Variants in CSTF2 observed in about 807,000 individuals in gnomAD.
CSTF2 encodes CF-1 64 kDa subunit.
CSTF2 carries 8 observed loss-of-function variants against 45.4 expected under a neutral mutation model. The observed-to-expected ratio is 0.18, with a 90% CI of 0.10 to 0.32. CSTF2 has a LOEUF of 0.32. Ranked by LOEUF, CSTF2 falls within the 10% of genes least tolerant of loss-of-function variation. The probability of loss-of-function intolerance (pLI) is 1.00; values close to 1 mark genes in which losing one functional copy is unlikely to be tolerated. For synonymous variants in CSTF2, 155 were observed against 158.9 expected (o/e 0.98, Z 0.18); for missense variants, 253 against 477.1 (o/e 0.53, Z 4.38).
intron 11 of CSTF2, among the ~76,000 whole-genome samples, chrX:100,834,466 CT>C (rs1176882180): frequency 1.8e-5 from 2 of 112,211 alleles, no homozygotes; most frequent in Non-Finnish European, 3.8e-5. Context: ...CTACTCTGTC[CT>C]GTTATCTGCA....
Position 100,821,585 on chromosome X carries a change from T to C in CSTF2, c.117T>C (p.Val39=). ...EEQLKDIFSE[V]GPVVSFRLVY... ...AGTTGAAGGACATCTTTTCTGAGGT[T>C]GGACCTGTTGTTAGTTTCAGGTGAG... The change falls in exon 2 of 14, where the codon GTT becomes GTC. Residue 39 remains valine (V), a synonymous_variant. Coordinates refer to ENST00000372972, the MANE Select transcript of CSTF2 (RefSeq NM_001325.3). 1.7e-6 allele frequency: 2 copies of C among 1,203,906 alleles called. No homozygotes were observed. Among genetic ancestry groups the C allele is most frequent in the Non-Finnish European group, 2.3e-6 (2 of 888,567 alleles).
intron 8 of CSTF2, 77 bp from the exon 9 acceptor site, chrX:100,831,438 T>G: frequency 1.8e-6 from 2 of 1,108,785 alleles, no homozygotes; most frequent in East Asian, 6.0e-5. Flanking sequence ...AATTATGTTG[T>G]CAGTGGTATA....
chrX:100,833,700 C>A (rs2147893096), intron 11 of CSTF2, among the ~76,000 whole-genome samples: 1 of 111,630 alleles, frequency 9.0e-6, no homozygotes, highest in South Asian at 3.8e-4. Flanking sequence ...AATAGCTATT[C>A]ATTTGGAGCA....
rs771996744 is a variant in CSTF2, at chrX:100,821,994, G to A, written c.138-257G>A. On this transcript the variant is annotated intron_variant, in intron 2 of 13. Coordinates refer to ENST00000372972, the MANE Select transcript of CSTF2 (RefSeq NM_001325.3). ...TGTAGTCCCAGCTACTCAGGAGGCT[G>A]AGACAGGAGAATTGCTTGAACCCGG... 1.3e-4 allele frequency among the ~76,000 whole-genome samples: 14 copies of A among 109,937 alleles called. No homozygotes were observed. The South Asian group carries it at 2.0e-3, about 16-fold the overall frequency.
Position 100,826,623 on chromosome X carries a change from T to G in CSTF2, c.703-11T>G. 3.3e-6 allele frequency: 4 copies of G among 1,209,648 alleles called. No individual in the cohort carries two copies. In the East Asian group the frequency reaches 8.9e-5, roughly 27 times the overall value. On this transcript the variant is annotated splice_polypyrimidine_tract_variant and intron_variant, in intron 6 of 13. Coordinates refer to ENST00000372972, the MANE Select transcript of CSTF2 (RefSeq NM_001325.3). ...AGGCATATACATACTCTGTTTTTTT[T>G]GCTTGGTCAGGGTGGAATGCATGTC...
chrX:100,822,637 A>T, intron 3 of CSTF2: 1 of 409,945 alleles, frequency 2.4e-6, no homozygotes, highest in Non-Finnish European at 4.3e-6. Context: ...TGAAATTTCT[A>T]TACCCTTGCT....
At chrX:100,840,343 T>C (rs1333502874) in intron 13 of CSTF2, among the ~76,000 whole-genome samples, 1 of 111,975 alleles carries the variant, frequency 8.9e-6, no homozygotes, top group Non-Finnish European at 1.9e-5. Flanking sequence ...CTAGGTGACA[T>C]TGTCTTGAGA....
intron 1 of CSTF2, among the ~76,000 whole-genome samples, chrX:100,820,848 C>T (rs1317828607): frequency 5.4e-5 from 6 of 112,121 alleles, no homozygotes; most frequent in Non-Finnish European, 1.1e-4. Context: ...TGTCCACTTA[C>T]TGTCCTCTCC....
intron 11 of CSTF2, 34 bp from the exon 12 acceptor site, chrX:100,837,305 G>GC: frequency 9.2e-7 from 1 of 1,089,436 alleles, no homozygotes; most frequent in South Asian, 2.0e-5. Context: ...CATTAAAAAT[G>GC]CCAAAAATCT....
At chrX:100,834,670 A>G (rs191934402) in intron 11 of CSTF2, among the ~76,000 whole-genome samples, 35 of 112,470 alleles carry the variant, frequency 3.1e-4, no homozygotes, top group African/African-American at 1.1e-3. Flanking sequence ...TTATGCATTC[A>G]TTCTGTCACT....
intron 8 of CSTF2, among the ~76,000 whole-genome samples, chrX:100,830,344 G>A (rs773759748): frequency 8.9e-6 from 1 of 112,410 alleles, no homozygotes; most frequent in Non-Finnish European, 1.9e-5. Context: ...TAGAATTGCC[G>A]TACTTCAGTT....
chrX:100,821,518 C>T lies in CSTF2; in HGVS notation c.59-9C>T. 8.6e-7 allele frequency: 1 copy of T among 1,166,262 alleles called. No individual in the cohort carries two copies. Among genetic ancestry groups the T allele is most frequent in the Non-Finnish European group, 1.2e-6 (1 of 854,805 alleles). ...TCAGAATTTTAATGTTACCTATTTT[C>T]TTCCTTAGTGGGGAACATTCCTTAT... On this transcript the variant is annotated splice_polypyrimidine_tract_variant and intron_variant, in intron 1 of 13. Coordinates refer to ENST00000372972, the MANE Select transcript of CSTF2 (RefSeq NM_001325.3).
intron 6 of CSTF2, 83 bp downstream of exon 6, chrX:100,824,340 G>A: frequency 1.0e-6 from 1 of 980,531 alleles, no homozygotes; most frequent in Admixed American, 4.0e-5. Context: ...AAAGAAGAAT[G>A]GTCAGGAACC....
In CSTF2 at chrX:100,823,863, C is replaced by G. The variant is rs377241256; in HGVS notation, c.445-23C>G. On this transcript the variant is annotated intron_variant, in intron 4 of 13. Transcript: ENST00000372972. ...CAGTTTCTAAGTCATAAGTATTAAA[C>G]CTGAATCTGCTTATCTTCTCAGCTC... The G allele has an allele frequency of 1.6e-5, 19 of 1,203,823 alleles. No homozygotes were observed. In the African/African-American group the frequency reaches 3.3e-4, roughly 21 times the overall value.
chrX:100,835,977 A>C (rs1306816494), intron 11 of CSTF2, among the ~76,000 whole-genome samples: 1 of 112,016 alleles, frequency 8.9e-6, no homozygotes, highest in Non-Finnish European at 1.9e-5. Context: ...AATTTTAAAA[A>C]AAAAGATTAT....
rs556234758 is a variant in CSTF2, at chrX:100,833,454, C to A, written c.1482C>A (p.Val494=). The A allele has an allele frequency of 3.7e-5, 44 of 1,205,096 alleles. No individual in the cohort carries two copies. In the South Asian group the frequency reaches 6.6e-4, roughly 18 times the overall value. ...GPSPINMGAV[V]PQGSRQVPVM... ...GTCCAATTAACATGGGGGCGGTTGT[C>A]CCCCAGGGATCCAGACAGGTATGTG... Residue 494 remains valine, a synonymous_variant, in exon 11 of 14, where the codon GTC becomes GTA. Coordinates refer to ENST00000372972, the MANE Select transcript of CSTF2 (RefSeq NM_001325.3).
rs778959959 is a variant in CSTF2, at chrX:100,821,513, A to G, written c.59-14A>G. The stretch of plus-strand genomic sequence containing the variant: ...TAAACTCAGAATTTTAATGTTACCT[A>G]TTTTCTTCCTTAGTGGGGAACATTC... On this transcript the variant is annotated splice_polypyrimidine_tract_variant and intron_variant, in intron 1 of 13. Transcript: ENST00000372972. 11 of 1,145,802 alleles carry G rather than the reference A, an allele frequency of 9.6e-6. No individual in the cohort carries two copies. In the East Asian group the frequency reaches 1.8e-4, roughly 19 times the overall value. The allele number at this position is 1,145,802 out of a possible 1,213,427, so 94.4% of individuals were successfully genotyped here.
chrX:100,821,668 GTAA>G, intron 2 of CSTF2, 63 bp downstream of exon 2: 1 of 832,518 alleles, frequency 1.2e-6, no homozygotes, highest in Non-Finnish European at 1.8e-6. Flanking sequence ...TTGGCTCTTA[GTAA>G]TAATGGCAGG....
In CSTF2 at chrX:100,820,403, G is replaced by A. The variant is rs761078089; in HGVS notation, c.-14G>A. ...AGTGTGCTTTGGCGCACCGGAAGCC[G>A]ACTCAACAGAGCTATGGCGGGTTTG... is the stretch of plus-strand genomic sequence containing the variant. On this transcript the variant is annotated 5_prime_UTR_variant, in exon 1 of 14. Transcript: ENST00000372972. The A allele has an allele frequency of 8.3e-7, 1 of 1,211,166 alleles. No homozygotes were observed. Among genetic ancestry groups the A allele is most frequent in the Non-Finnish European group, 1.1e-6 (1 of 894,580 alleles).
Sources: allele counts gnomAD v4.1 joint callset (sites outside exome capture counted in the v4.1 genomes callset), GRCh38; gene constraint gnomAD v4.1.1; transcripts MANE v1.5; gene names NCBI Gene and HGNC (gene_info 2026-07-23, HGNC 2026-07-21).